The following SNX24 variants were observed in gnomAD, a reference collection of about 807,000 sequenced individuals.
SNX24 encodes sorting nexin 24.
Under a neutral mutation model 28.7 loss-of-function variants are expected in SNX24, and 22 were observed. That is an observed-to-expected ratio of 0.77 (90% CI 0.55 to 1.10). SNX24 has a LOEUF of 1.10. Among genes scored for constraint, SNX24 ranks in the 50% least tolerant of loss-of-function variants. SNX24 has a pLI of 0.00. For missense variants in SNX24, 221 were observed against 201.1 expected (o/e 1.10, Z -0.60); for synonymous variants, 69 against 71.5 (o/e 0.96, Z 0.18).
chr5:122,894,241 C>G (rs1022174184), intron 1 of SNX24, among the ~76,000 whole-genome samples: 28 of 152,168 alleles, frequency 1.8e-4, no homozygotes, highest in Non-Finnish European at 2.6e-4. Context: ...ACACCCATGT[C>G]TGTAGGTAAT....
intron 3 of SNX24, among the ~76,000 whole-genome samples, chr5:122,980,580 C>T (rs544949471): frequency 1.3e-5 from 2 of 151,914 alleles, no homozygotes; most frequent in Non-Finnish European, 2.9e-5. Flanking sequence ...GAAAACTCAA[C>T]TAATTTCTCA....
intron 3 of SNX24, among the ~76,000 whole-genome samples, chr5:122,960,283 G>A (rs547093322): frequency 6.6e-6 from 1 of 152,282 alleles, no homozygotes; most frequent in Admixed American, 6.5e-5. Context: ...ATCACCATGT[G>A]ATGTTTTCTC....
chr5:122,889,743 G>A (rs201930575), intron 1 of SNX24, among the ~76,000 whole-genome samples: 15 of 143,458 alleles, frequency 1.0e-4, no homozygotes, highest in South Asian at 2.2e-4. Flanking sequence ...ATATATATGT[G>A]TATATATATA....
At chr5:123,009,665 G>A (rs1561733739), downstream of SNX24, among the ~76,000 whole-genome samples, 1 of 152,202 alleles carries the variant, frequency 6.6e-6, no homozygotes, top group Non-Finnish European at 1.5e-5. Flanking sequence ...CTTTTAATGT[G>A]TAATTCTGTC....
intron 3 of SNX24, among the ~76,000 whole-genome samples, chr5:122,968,084 TTCTC>T (rs1270237874): frequency 6.6e-6 from 1 of 152,164 alleles, no homozygotes; most frequent in Non-Finnish European, 1.5e-5. Flanking sequence ...ACCTATAAAA[TTCTC>T]TCTACCTCCC....
At chr5:122,920,635 C>T (rs1758392171) in intron 1 of SNX24, among the ~76,000 whole-genome samples, 1 of 152,148 alleles carries the variant, frequency 6.6e-6, no homozygotes, top group African/African-American at 2.4e-5. Flanking sequence ...TCTGGTCAAC[C>T]CCATCAAATC....
intron 1 of SNX24, among the ~76,000 whole-genome samples, chr5:122,865,294 A>G (rs575255330): frequency 6.6e-6 from 1 of 152,092 alleles, no homozygotes; most frequent in Non-Finnish European, 1.5e-5. Context: ...GCAAAGTAAA[A>G]TAAGATTTGT....
intron 6 of SNX24, among the ~76,000 whole-genome samples, chr5:123,003,140 A>G (rs1212764270): frequency 1.3e-5 from 2 of 152,180 alleles, no homozygotes; most frequent in Non-Finnish European, 2.9e-5. Flanking sequence ...ACTGCTCTCT[A>G]TAGCAAGGAT....
chr5:122,960,761 C>A (rs2150138215), intron 3 of SNX24, among the ~76,000 whole-genome samples: 1 of 152,072 alleles, frequency 6.6e-6, no homozygotes, highest in Non-Finnish European at 1.5e-5. Flanking sequence ...GAAGGGGTTC[C>A]CTCTTGCTCA....
At chr5:122,873,813 T>A (rs1007125594) in intron 1 of SNX24, among the ~76,000 whole-genome samples, 3 of 148,902 alleles carry the variant, frequency 2.0e-5, no homozygotes, top group African/African-American at 5.0e-5. Flanking sequence ...TCACCCAGGC[T>A]GGAGTGCAAT....
At chr5:123,000,507 C>A (rs1321966393) in intron 4 of SNX24, among the ~76,000 whole-genome samples, 2 of 152,186 alleles carry the variant, frequency 1.3e-5, no homozygotes, top group African/African-American at 4.8e-5. Flanking sequence ...AGAACCGAGG[C>A]CTTCCAAGGC....
chr5:122,898,391 T>C (rs958114036), intron 1 of SNX24, among the ~76,000 whole-genome samples: 1 of 152,240 alleles, frequency 6.6e-6, no homozygotes, highest in African/African-American at 2.4e-5. Flanking sequence ...CCTTTTCATT[T>C]ATAACTTTTA....
At chr5:122,930,410 C>T (rs1411810813) in intron 1 of SNX24, among the ~76,000 whole-genome samples, 3 of 152,034 alleles carry the variant, frequency 2.0e-5, no homozygotes, top group Non-Finnish European at 2.9e-5. Flanking sequence ...GATAAAACTC[C>T]GCAGGCATTG....
chr5:122,934,025 C>A (rs1033843975), intron 1 of SNX24, among the ~76,000 whole-genome samples: 3 of 151,930 alleles, frequency 2.0e-5, no homozygotes, highest in South Asian at 4.2e-4. Context: ...TCAGGTGATA[C>A]GCCCGTCTCA....
In SNX24 at chr5:122,946,038, C is replaced by A; in HGVS notation, c.145-17C>A. ...TGTTTTTTTTTTTCTTTTTCTTTTC[C>A]TATTCTGTCTTTATAGCTTAAGAAA... is the stretch of plus-strand genomic sequence containing the variant. On this transcript the variant is annotated splice_polypyrimidine_tract_variant and intron_variant, in intron 2 of 6. Transcript: ENST00000261369. 1 of 1,271,914 alleles carries A rather than the reference C, an allele frequency of 7.9e-7. No homozygotes were observed. Among genetic ancestry groups the A allele is most frequent in the Non-Finnish European group, 1.1e-6 (1 of 918,422 alleles). 78.8% of individuals were successfully genotyped at this position (1,271,914 alleles called of 1,614,324 possible). A position where few individuals can be genotyped will look rare whatever the true frequency, so the allele number is the denominator to read the frequency against.
intron 1 of SNX24, among the ~76,000 whole-genome samples, chr5:122,924,283 C>T (rs1409609135): frequency 6.6e-6 from 1 of 152,188 alleles, no homozygotes; most frequent in Non-Finnish European, 1.5e-5. Context: ...AATACACCAA[C>T]ATCACTTCTC....
intron 3 of SNX24, among the ~76,000 whole-genome samples, chr5:122,988,291 C>T (rs995387649): frequency 6.6e-6 from 1 of 152,136 alleles, no homozygotes; most frequent in African/African-American, 2.4e-5. Flanking sequence ...TAACCATAGG[C>T]AGGGAGGAGA....
chr5:122,916,114 G>A (rs1025127978), intron 1 of SNX24, among the ~76,000 whole-genome samples: 4 of 152,218 alleles, frequency 2.6e-5, no homozygotes, highest in Non-Finnish European at 5.9e-5. Flanking sequence ...ATAAAGTAAC[G>A]TGAGCTAGAA....
chr5:122,916,377 T>A (rs1457178072), intron 1 of SNX24, among the ~76,000 whole-genome samples: 1 of 152,224 alleles, frequency 6.6e-6, no homozygotes, highest in Non-Finnish European at 1.5e-5. Flanking sequence ...CTTGGCCCCC[T>A]CTTAAGGTTT....
Sources: gnomAD v4.1 joint callset for allele counts (sites outside exome capture counted in the v4.1 genomes callset) on GRCh38, gnomAD v4.1.1 for gene constraint, MANE v1.5 for transcripts, NCBI Gene and HGNC (gene_info 2026-07-23, HGNC 2026-07-21) for gene names.